Variants in SMAD7 observed in about 807,000 individuals in gnomAD.
SMAD7 encodes MAD (mothers against decapentaplegic, Drosophila) homolog 7.
A neutral mutation model predicts 38.7 loss-of-function variants in SMAD7; 8 were observed. The observed-to-expected ratio is 0.21, with a 90% CI of 0.12 to 0.37. The LOEUF (loss-of-function observed/expected upper bound fraction) is 0.37, where lower values mean the gene tolerates loss of function less well. SMAD7 is among the 10% of genes least tolerant of loss of function. The pLI, the probability that SMAD7 is intolerant of heterozygous loss-of-function variation, is 1.00. For missense variants in SMAD7, 477 were observed against 577.9 expected (o/e 0.83, Z 1.79); for synonymous variants, 327 against 265.1 (o/e 1.23, Z -2.27).
intron 2 of SMAD7, chr18:48,942,767 G>T: frequency 2.1e-6 from 3 of 1,410,078 alleles, no homozygotes; most frequent in Non-Finnish European, 2.8e-6. Context: ...TGGGCTCCGG[G>T]CAGCCAGTTA....
chr18:48,923,122 G>C (rs2069883285), intron 3 of SMAD7, among the ~76,000 whole-genome samples: 1 of 152,170 alleles, frequency 6.6e-6, no homozygotes, highest in Non-Finnish European at 1.5e-5. Flanking sequence ...TCTTGTATTT[G>C]TTAACAAAAA....
At chr18:48,943,508 C>T (rs547515046) in intron 2 of SMAD7, among the ~76,000 whole-genome samples, 1 of 152,230 alleles carries the variant, frequency 6.6e-6, no homozygotes, top group Admixed American at 6.5e-5. Context: ...AACCACAACT[C>T]ATTAGTCCCA....
chr18:48,943,052 A>G (rs913893268), intron 2 of SMAD7, among the ~76,000 whole-genome samples: 1 of 152,162 alleles, frequency 6.6e-6, no homozygotes. Flanking sequence ...CCCCTTTTTT[A>G]ATTGAGGACT....
rs1433145008 is a variant in SMAD7 at position 48,920,195 on chromosome 18, C to A, written c.*1177G>T. ...TCAAAGCACTACAATGCTAAATTTC[C>A]AATGAGAATGCTTCTCTTGTTCATT... On this transcript the variant is annotated 3_prime_UTR_variant, in exon 4 of 4. Coordinates refer to ENST00000262158, the MANE Select transcript of SMAD7 (RefSeq NM_005904.4). 1 of 152,226 alleles carries A rather than the reference C, an allele frequency of 6.6e-6. No homozygotes were observed. The allele number at this position is 152,226 out of a possible 1,614,324, so 9.4% of individuals were successfully genotyped here.
intron 3 of SMAD7, among the ~76,000 whole-genome samples, chr18:48,939,837 C>T (rs903233687): frequency 2.5e-4 from 37 of 149,622 alleles, no homozygotes; most frequent in African/African-American, 8.9e-4. Context: ...CAGGCTCCCA[C>T]CCCCCAACCT....
At chr18:48,922,036 G>A (rs920451516) in intron 3 of SMAD7, 126 bp from the exon 4 acceptor site, 10 of 741,798 alleles carry the variant, frequency 1.3e-5, no homozygotes, top group South Asian at 9.4e-5. Flanking sequence ...GAAAGAAGGA[G>A]GCGGTGAGGC....
chr18:48,947,363 TG>T (rs1216845438), intron 2 of SMAD7, among the ~76,000 whole-genome samples: 3 of 152,124 alleles, frequency 2.0e-5, no homozygotes, highest in Non-Finnish European at 4.4e-5. Context: ...TTTTAATTAG[TG>T]GGGGGAAAGG....
intron 2 of SMAD7, among the ~76,000 whole-genome samples, chr18:48,943,748 CA>C (rs959373979): frequency 1.3e-5 from 2 of 150,578 alleles, no homozygotes; most frequent in Non-Finnish European, 3.0e-5. Context: ...ATAGGAAAGC[CA>C]AAAAAAAAGA....
chr18:48,949,639 CCA>C (rs1462589268), intron 1 of SMAD7, among the ~76,000 whole-genome samples, 171 bp downstream of exon 1: 5 of 151,268 alleles, frequency 3.3e-5, no homozygotes, highest in African/African-American at 1.2e-4. Context: ...CTTTCAGCCC[CCA>C]GTCTCTTCCC....
At chr18:48,925,256 G>A (rs2069911642) in intron 3 of SMAD7, among the ~76,000 whole-genome samples, 1 of 152,046 alleles carries the variant, frequency 6.6e-6, no homozygotes, top group African/African-American at 2.4e-5. Flanking sequence ...AACTGTACAG[G>A]GGCTTGTTTT....
intron 1 of SMAD7, among the ~76,000 whole-genome samples, chr18:48,948,814 C>G (rs2143823653): frequency 6.6e-6 from 1 of 152,390 alleles, no homozygotes; most frequent in South Asian, 2.1e-4. Flanking sequence ...CCGGCCCGCC[C>G]CCCAGGCGTG....
chr18:48,950,758 G>A lies in SMAD7; in HGVS notation c.-334C>T, dbSNP rs1200244523. On this transcript the variant is annotated 5_prime_UTR_variant, in exon 1 of 4. Coordinates refer to ENST00000262158, the MANE Select transcript of SMAD7 (RefSeq NM_005904.4). ...ACCCGGCCGCCGCTTCCCTGGGGAC[G>A]GCCGAGCCTGCCCCCGTCGGCGCCT... 8 of 150,068 alleles carry A rather than the reference G, an allele frequency of 5.3e-5. No homozygotes were observed. The highest frequency in any genetic ancestry group is 1.9e-4 in the African/African-American group (8 of 41,312). 9.3% of individuals were successfully genotyped at this position (150,068 alleles called of 1,614,324 possible).
At chr18:48,924,406 A>G (rs1207530506) in intron 3 of SMAD7, among the ~76,000 whole-genome samples, 4 of 152,082 alleles carry the variant, frequency 2.6e-5, no homozygotes, top group Non-Finnish European at 1.5e-5. Context: ...AAGGGGTGGA[A>G]GCCTTGTCTG....
At chr18:48,932,763 C>G (rs1055411262) in intron 3 of SMAD7, among the ~76,000 whole-genome samples, 1 of 152,194 alleles carries the variant, frequency 6.6e-6, no homozygotes, top group African/African-American at 2.4e-5. Flanking sequence ...ACCTCAGAAA[C>G]GGGCTTAACC....
chr18:48,939,493 C>T (rs2035502061), intron 3 of SMAD7, among the ~76,000 whole-genome samples: 1 of 151,508 alleles, frequency 6.6e-6, no homozygotes, highest in Admixed American at 6.6e-5. Flanking sequence ...TTTGCAAGGG[C>T]GCAGGAAAGG....
At position 48,921,276 on chromosome 18, in the gene SMAD7, T is replaced by G; in HGVS notation, c.*96A>C. 9.0e-7 allele frequency: 1 copy of G among 1,110,788 alleles called. No homozygotes were observed. Among genetic ancestry groups the G allele is most frequent in the Non-Finnish European group, 1.3e-6 (1 of 785,374 alleles). The allele number at this position is 1,110,788 out of a possible 1,614,324, so 68.8% of individuals were successfully genotyped here. ...AACAAAAAAAAAACGACCAAAGAGT[T>G]TGCATGAAAAGCAAGCACTCAGGAG... On this transcript the variant is annotated 3_prime_UTR_variant, in exon 4 of 4. Transcript: ENST00000262158. This position sits in a 1 kb window ranked among gnomAD's most constrained non-coding sequence, Gnocchi z 6.4.
intron 2 of SMAD7, among the ~76,000 whole-genome samples, chr18:48,948,052 C>T (rs896964863): frequency 6.6e-6 from 1 of 152,190 alleles, no homozygotes; most frequent in Non-Finnish European, 1.5e-5. Context: ...ACTAAGTCTC[C>T]GAGTTATCCC....
chr18:48,939,370 T>TCCCC (rs2070109319), intron 3 of SMAD7, among the ~76,000 whole-genome samples: 1 of 145,428 alleles, frequency 6.9e-6, no homozygotes, highest in African/African-American at 2.6e-5. Flanking sequence ...GCCTGTCGTC[T>TCCCC]ACCCACCCCC....
At chr18:48,929,364 T>C (rs914380428) in intron 3 of SMAD7, among the ~76,000 whole-genome samples, 132 of 152,142 alleles carry the variant, frequency 8.7e-4, no homozygotes, top group African/African-American at 3.0e-3. Context: ...GGGACAAGCA[T>C]GGAACAGAAA....
Sources: allele counts gnomAD v4.1 joint callset (sites outside exome capture counted in the v4.1 genomes callset), GRCh38; gene constraint gnomAD v4.1.1; non-coding constraint Gnocchi (gnomAD v3.1); transcripts MANE v1.5; gene names NCBI Gene and HGNC (gene_info 2026-07-23, HGNC 2026-07-21).